ADAM7: variants seen among roughly 807,000 people sequenced by gnomAD.
ADAM7 encodes the protein ADAM metallopeptidase domain 7, also known as disintegrin and metalloproteinase domain-containing protein 7.
Under a neutral mutation model 102.9 loss-of-function variants are expected in ADAM7, and 97 were observed. The ratio of observed to expected loss-of-function variants is 0.94; its 90% CI spans 0.80 to 1.12. The LOEUF (loss-of-function observed/expected upper bound fraction) is 1.12. Among genes scored for constraint, ADAM7 ranks in the 50% most tolerant of loss-of-function variants. ADAM7 has a pLI of 0.00. For synonymous variants in ADAM7, 334 were observed against 304.4 expected, an observed-to-expected ratio of 1.10 and a Z score of -1.01; for missense variants, 991 against 908.7, an observed-to-expected ratio of 1.09 and a Z score of -1.16.
At chr8:24,447,763 T>C (rs1818617299) in intron 3 of ADAM7, among the ~76,000 whole-genome samples, 1 of 152,150 alleles carries the variant, frequency 6.6e-6, no homozygotes, top group Non-Finnish European at 1.5e-5. Context: ...ATGTCTATTG[T>C]TGCCGCTGTT....
chr8:24,453,024 T>G (rs1259619108), intron 3 of ADAM7, among the ~76,000 whole-genome samples: 6 of 151,550 alleles, frequency 4.0e-5, no homozygotes, highest in Non-Finnish European at 2.9e-5. Flanking sequence ...AGATCTGCTG[T>G]TAGTCTGATG....
chr8:24,467,134 T>A (rs1282341181), intron 6 of ADAM7, 146 bp downstream of exon 6: 13 of 764,540 alleles, frequency 1.7e-5, no homozygotes, highest in Non-Finnish European at 2.7e-5. Flanking sequence ...ATTGGAAAAT[T>A]TTTTCTTGTC....
At chr8:24,463,365 C>A (rs1355627505) in intron 3 of ADAM7, among the ~76,000 whole-genome samples, 1 of 152,054 alleles carries the variant, frequency 6.6e-6, no homozygotes, top group Non-Finnish European at 1.5e-5. Flanking sequence ...GATATAGAGA[C>A]CACTGCAATG....
At position 24,447,197 on chromosome 8, in the gene ADAM7, A is replaced by G. The variant is rs780782831; in HGVS notation, c.168A>G (p.Glu56=). Residue 56 remains glutamate, a synonymous_variant, in exon 3 of 22, where the codon GAA becomes GAG. Transcript: ENST00000175238. ...THDDDILKTY[E]EELLYEIKLN... is the part of the protein sequence containing the mutation. ...CTCTTCTTTTTTAGAAAACGTATGA[A>G]GAAGAATTGTTGTATGAAATAAAAC... The G allele has an allele frequency of 7.1e-6, 11 of 1,544,740 alleles. No individual in the cohort carries two copies. The East Asian group carries it at 9.3e-5, about 13-fold the overall frequency.
chr8:24,447,137 A>G, intron 2 of ADAM7, 49 bp from the exon 3 acceptor site: 1 of 1,096,162 alleles, frequency 9.1e-7, no homozygotes, highest in Non-Finnish European at 1.3e-6. Flanking sequence ...GCTCCAGAAC[A>G]CACTAAATGA....
intron 7 of ADAM7, among the ~76,000 whole-genome samples, chr8:24,474,450 G>C (rs1275765432): frequency 3.3e-5 from 5 of 152,134 alleles, no homozygotes; most frequent in Non-Finnish European, 7.4e-5. Flanking sequence ...TGCTCATGCT[G>C]CTTTAATAGT....
chr8:24,508,554 G>A lies in ADAM7; in HGVS notation c.*8G>A. The A allele has an allele frequency of 6.2e-7, 1 of 1,613,556 alleles. No homozygotes were observed. Among genetic ancestry groups the A allele is most frequent in the South Asian group, 1.1e-5 (1 of 91,040 alleles). On this transcript the variant is annotated 3_prime_UTR_variant, in exon 22 of 22. Coordinates refer to ENST00000175238, the MANE Select transcript of ADAM7 (RefSeq NM_003817.4). The stretch of plus-strand genomic sequence containing the variant: ...CATCTGTTTCTATTTAGAGCTTGAA[G>A]TTGGATATCCAAAATGGCCGTGCAA...
intron 7 of ADAM7, among the ~76,000 whole-genome samples, chr8:24,473,368 C>T (rs1278507853): frequency 6.6e-6 from 1 of 152,110 alleles, no homozygotes; most frequent in East Asian, 1.9e-4. Context: ...TGGCCTCAGT[C>T]ATTTGCCTGG....
At position 24,492,045 on chromosome 8, in the gene ADAM7, T is replaced by G; in HGVS notation, c.1499T>G (p.Phe500Cys). The change falls in exon 14 of 22, where the codon TTC becomes TGC. Residue 500 changes from phenylalanine to cysteine, a missense_variant. Physicochemically the swap from Phe to Cys is radical, Grantham distance 205 (BLOSUM62 -2). Coordinates refer to ENST00000175238, the MANE Select transcript of ADAM7 (RefSeq NM_003817.4). Reference sequence around the variant, plus strand: ...TGCAAGAACTCAGAAGGCTACTGTTTCATGGGGAAATGTCCAACTCGTGAG... The same window carrying G: ...TGCAAGAACTCAGAAGGCTACTGTTGCATGGGGAAATGTCCAACTCGTGAG... ...FPCKNSEGYC[F>C]MGKCPTREDQ... The G allele has an allele frequency of 6.2e-7, 1 of 1,613,954 alleles. No individual in the cohort carries two copies. The highest frequency in any genetic ancestry group is 8.5e-7 in the Non-Finnish European group (1 of 1,179,866).
intron 2 of ADAM7, among the ~76,000 whole-genome samples, chr8:24,442,977 G>A (rs1260783480): frequency 6.6e-6 from 1 of 152,088 alleles, no homozygotes; most frequent in Non-Finnish European, 1.5e-5. Context: ...TCAAAGGCCT[G>A]CTTGGTCTGT....
intron 7 of ADAM7, among the ~76,000 whole-genome samples, chr8:24,472,044 T>C (rs534947390): frequency 2.6e-5 from 4 of 151,304 alleles, no homozygotes; most frequent in Admixed American, 6.6e-5. Flanking sequence ...TTGAGATAAA[T>C]TGGGGAATTA....
intron 20 of ADAM7, among the ~76,000 whole-genome samples, chr8:24,504,050 A>T (rs906388376): frequency 3.8e-5 from 4 of 104,616 alleles, no homozygotes; most frequent in Non-Finnish European, 9.0e-5. Context: ...AAATAAAATA[A>T]AATAAAATAA....
At chr8:24,453,526 A>G (rs939751502) in intron 3 of ADAM7, among the ~76,000 whole-genome samples, 2 of 151,924 alleles carry the variant, frequency 1.3e-5, no homozygotes, top group Admixed American at 6.6e-5. Flanking sequence ...ACTTCTCTGT[A>G]TTGGTTATTC....
At chr8:24,492,470 A>G (rs761903008) in intron 14 of ADAM7, 25 bp from the exon 15 acceptor site, 1 of 1,498,522 alleles carries the variant, frequency 6.7e-7, no homozygotes, top group Admixed American at 1.8e-5. Context: ...TTATTGTTTT[A>G]CTTTTATACC....
At chr8:24,463,124 G>A (rs1000860738) in intron 3 of ADAM7, among the ~76,000 whole-genome samples, 19 of 152,238 alleles carry the variant, frequency 1.2e-4, no homozygotes, top group African/African-American at 4.6e-4. Flanking sequence ...ACATGAAAAT[G>A]AATATCTTTT....
chr8:24,486,052 T>C (rs927377350), intron 10 of ADAM7, among the ~76,000 whole-genome samples: 24 of 152,318 alleles, frequency 1.6e-4, no homozygotes, highest in African/African-American at 5.5e-4. Context: ...TTTCCTATGG[T>C]ATTTCAGTAA....
chr8:24,466,358 G>T (rs1819424619), intron 5 of ADAM7, among the ~76,000 whole-genome samples: 1 of 152,174 alleles, frequency 6.6e-6, no homozygotes, highest in Non-Finnish European at 1.5e-5. Context: ...CGGGAAATTT[G>T]CTTGACTAGT....
At chr8:24,475,571 C>CA (rs1184324106) in intron 7 of ADAM7, among the ~76,000 whole-genome samples, 1 of 152,024 alleles carries the variant, frequency 6.6e-6, no homozygotes, top group African/African-American at 2.4e-5. Context: ...CAGTTATAAT[C>CA]AGAGTGTAGT....
chr8:24,446,297 A>G (rs1030470069), intron 2 of ADAM7, among the ~76,000 whole-genome samples: 1 of 152,192 alleles, frequency 6.6e-6, no homozygotes, highest in Non-Finnish European at 1.5e-5. Flanking sequence ...TATTGATGTG[A>G]ATGATCATCC....
Sources: allele counts gnomAD v4.1 joint callset (sites outside exome capture counted in the v4.1 genomes callset), GRCh38; gene constraint gnomAD v4.1.1; transcripts MANE v1.5; gene names NCBI Gene and HGNC (gene_info 2026-07-23, HGNC 2026-07-21).